Variants in NR6A1 observed in about 807,000 individuals in gnomAD.
NR6A1 encodes the protein retinoic acid receptor-related testis-associated receptor.
NR6A1 carries 7 observed loss-of-function variants against 59.1 expected under a neutral mutation model. That is an observed-to-expected ratio of 0.12 (90% CI 0.07 to 0.22). NR6A1 has a LOEUF of 0.22. Ranked by LOEUF, NR6A1 falls within the 10% of genes least tolerant of loss-of-function variation. NR6A1 has a pLI of 1.00. For missense variants in NR6A1, 468 were observed against 611.6 expected (o/e 0.77, Z 2.48); for synonymous variants, 243 against 236.1 (o/e 1.03, Z -0.27).
At chr9:124,563,214 G>C (rs1298130682) in intron 2 of NR6A1, among the ~76,000 whole-genome samples, 1 of 152,082 alleles carries the variant, frequency 6.6e-6, no homozygotes, top group Non-Finnish European at 1.5e-5. Context: ...CATCATGTTT[G>C]GAAAAAAATG....
chr9:124,645,968 T>A (rs988610782), intron 2 of NR6A1, among the ~76,000 whole-genome samples: 1 of 152,160 alleles, frequency 6.6e-6, no homozygotes. Flanking sequence ...CAGAAAGATA[T>A]CTGGAACATC....
At position 124,524,675 on chromosome 9, in the gene NR6A1, T is replaced by G. The variant is rs750953147; in HGVS notation, c.1354+46A>C. On this transcript the variant is annotated intron_variant, in intron 9 of 9. Transcript: ENST00000487099. ...TGCTTGCCTCATTCCCTTCACAAGC[T>G]AAGAGAAGCAAGGAAGGGTTGGGAG... 3.1e-6 allele frequency: 5 copies of G among 1,600,832 alleles called. No individual in the cohort carries two copies. The South Asian group carries it at 4.5e-5, about 14-fold the overall frequency.
At chr9:124,621,192 T>A (rs1469240950) in intron 2 of NR6A1, among the ~76,000 whole-genome samples, 1 of 152,224 alleles carries the variant, frequency 6.6e-6, no homozygotes, top group Non-Finnish European at 1.5e-5. Context: ...TTTAACTTTT[T>A]GAATAAATGT....
chr9:124,675,595 C>A (rs1407142066), intron 2 of NR6A1, among the ~76,000 whole-genome samples: 1 of 152,208 alleles, frequency 6.6e-6, no homozygotes, highest in East Asian at 1.9e-4. Flanking sequence ...CAGATTTATT[C>A]CCAATAGCAA....
intron 2 of NR6A1, among the ~76,000 whole-genome samples, chr9:124,637,892 C>CAAAAAAAAAA (rs796714741): frequency 2.5e-5 from 2 of 78,966 alleles, no homozygotes; most frequent in Non-Finnish European, 5.0e-5. Flanking sequence ...ACTCCCTCTC[C>CAAAAAAAAAA]AAAAAAAAAA....
intron 1 of NR6A1, among the ~76,000 whole-genome samples, chr9:124,764,731 A>T (rs1840884605): frequency 6.6e-6 from 1 of 152,164 alleles, no homozygotes; most frequent in Non-Finnish European, 1.5e-5. Flanking sequence ...TACTCTAACA[A>T]CTCCCTTAAT....
At chr9:124,553,531 C>T (rs942161554) in intron 3 of NR6A1, among the ~76,000 whole-genome samples, 2 of 149,490 alleles carry the variant, frequency 1.3e-5, no homozygotes, top group African/African-American at 5.0e-5. Flanking sequence ...AGAGAAATCA[C>T]CCTGCTTTTT....
At chr9:124,608,847 G>C (rs1171182525) in intron 2 of NR6A1, among the ~76,000 whole-genome samples, 1 of 152,182 alleles carries the variant, frequency 6.6e-6, no homozygotes, top group Non-Finnish European at 1.5e-5. Flanking sequence ...TGACTGGTGT[G>C]AGATGGTATC....
At chr9:124,655,099 C>T (rs941745280) in intron 2 of NR6A1, among the ~76,000 whole-genome samples, 28 of 152,126 alleles carry the variant, frequency 1.8e-4, no homozygotes, top group Non-Finnish European at 2.6e-4. Flanking sequence ...AAGTAACTAA[C>T]GAGCCAAGCT....
chr9:124,585,826 A>C (rs1340223727), intron 2 of NR6A1, among the ~76,000 whole-genome samples: 1 of 152,150 alleles, frequency 6.6e-6, no homozygotes, highest in Non-Finnish European at 1.5e-5. Flanking sequence ...CCATTCAGAA[A>C]ATCCTAGGAC....
chr9:124,562,543 G>A (rs960251205), intron 2 of NR6A1, among the ~76,000 whole-genome samples: 2 of 151,938 alleles, frequency 1.3e-5, no homozygotes, highest in Admixed American at 6.6e-5. Flanking sequence ...TGACCCTCAC[G>A]CCTCGCCTCC....
chr9:124,766,670 G>A (rs1840943194), intron 1 of NR6A1, among the ~76,000 whole-genome samples: 1 of 152,038 alleles, frequency 6.6e-6, no homozygotes, highest in South Asian at 2.1e-4. Flanking sequence ...GAAAAATACT[G>A]AACAGAAAAG....
intron 2 of NR6A1, among the ~76,000 whole-genome samples, chr9:124,606,896 C>CT (rs1392262911): frequency 6.6e-6 from 1 of 152,192 alleles, no homozygotes; most frequent in Non-Finnish European, 1.5e-5. Flanking sequence ...TTCCTGCTCC[C>CT]TTTCTGTGTA....
intron 2 of NR6A1, among the ~76,000 whole-genome samples, chr9:124,705,264 A>G (rs928117863): frequency 6.6e-6 from 1 of 152,164 alleles, no homozygotes; most frequent in African/African-American, 2.4e-5. Flanking sequence ...ATTATTGCTA[A>G]TTATTCTATT....
chr9:124,673,554 G>A (rs1352983098), intron 2 of NR6A1, among the ~76,000 whole-genome samples: 1 of 152,118 alleles, frequency 6.6e-6, no homozygotes, highest in East Asian at 1.9e-4. Flanking sequence ...GGCTGAGGCA[G>A]AAATAAATAT....
chr9:124,682,552 C>T (rs1358511842), intron 2 of NR6A1, among the ~76,000 whole-genome samples: 1 of 151,996 alleles, frequency 6.6e-6, no homozygotes, highest in Non-Finnish European at 1.5e-5. Flanking sequence ...TTCTTCTCAC[C>T]AATTTTTAAA....
intron 2 of NR6A1, among the ~76,000 whole-genome samples, chr9:124,625,003 AC>A (rs1291724446): frequency 6.6e-6 from 1 of 151,708 alleles, no homozygotes; most frequent in African/African-American, 2.4e-5. Flanking sequence ...TATTTGGATA[AC>A]TTTCTAGCAC....
intron 6 of NR6A1, among the ~76,000 whole-genome samples, chr9:124,536,621 C>T (rs757514157): frequency 3.3e-5 from 5 of 150,556 alleles, no homozygotes; most frequent in Non-Finnish European, 7.4e-5. Flanking sequence ...GCTGAGATTG[C>T]GCTAATGCAC....
Position 124,598,961 on chromosome 9 carries a change from T to C in NR6A1, c.143-44391A>G, listed in dbSNP as rs768208678. On this transcript the variant is annotated intron_variant, in intron 2 of 9. Transcript: ENST00000487099. ...GACTCAGGCATGGTCATTACCCACG[T>C]TGGGTTTCAGCTCCACCATTGGCGT... is the stretch of plus-strand genomic sequence containing the variant. 1.5e-5 allele frequency: 11 copies of C among 715,832 alleles called. 1 individual carries two copies. The highest frequency in any genetic ancestry group is 5.8e-5 in the Admixed American group (3 of 51,776). 44.3% of individuals were successfully genotyped at this position (715,832 alleles called of 1,614,324 possible). A position where few individuals can be genotyped will look rare whatever the true frequency, so the allele number is the denominator to read the frequency against.
Sources: gnomAD v4.1 joint callset for allele counts (sites outside exome capture counted in the v4.1 genomes callset) on GRCh38, gnomAD v4.1.1 for gene constraint, MANE v1.5 for transcripts, NCBI Gene and HGNC (gene_info 2026-07-23, HGNC 2026-07-21) for gene names.